The following GMDS variants were observed in gnomAD, a reference collection of about 807,000 sequenced individuals.
The protein encoded by GMDS is GDP-mannose 4,6 dehydratase.
A neutral mutation model predicts 49.9 loss-of-function variants in GMDS; 20 were observed. The ratio of observed to expected loss-of-function variants is 0.40; its 90% CI spans 0.28 to 0.58. The LOEUF (loss-of-function observed/expected upper bound fraction) is 0.58. GMDS is among the 20% of genes least tolerant of loss of function. The pLI is 0.42. For synonymous variants in GMDS, 177 were observed against 178.6 expected (o/e 0.99, Z 0.07); for missense variants, 362 against 481.4 (o/e 0.75, Z 2.32).
At chr6:1,697,581 T>C (rs1261099886) in intron 9 of GMDS, among the ~76,000 whole-genome samples, 1 of 152,240 alleles carries the variant, frequency 6.6e-6, no homozygotes, top group Non-Finnish European at 1.5e-5. Context: ...TCTCAAAGTA[T>C]GGTCCCCAAA....
chr6:1,954,880 T>C (rs1246363477), intron 6 of GMDS, among the ~76,000 whole-genome samples: 1 of 152,026 alleles, frequency 6.6e-6, no homozygotes, highest in Non-Finnish European at 1.5e-5. Context: ...GGCCAGTTGG[T>C]GGAGCAGCCA....
At chr6:2,054,246 AAG>A (rs1384785901) in intron 4 of GMDS, among the ~76,000 whole-genome samples, 5 of 152,152 alleles carry the variant, frequency 3.3e-5, no homozygotes, top group Non-Finnish European at 7.4e-5. Flanking sequence ...TCCTCTCCAG[AAG>A]AAATTTTAAA....
chr6:1,693,527 T>C (rs1765242136), intron 9 of GMDS, among the ~76,000 whole-genome samples: 3 of 152,244 alleles, frequency 2.0e-5, no homozygotes, highest in African/African-American at 4.8e-5. Flanking sequence ...CAGAGGTTAC[T>C]GTCCTCCGTT....
chr6:1,774,315 G>A (rs547431858), intron 7 of GMDS, among the ~76,000 whole-genome samples: 6 of 152,268 alleles, frequency 3.9e-5, no homozygotes, highest in South Asian at 2.1e-4. Flanking sequence ...CCCCCGCTGC[G>A]GAAATCACAG....
chr6:2,021,102 T>C (rs1259909979), intron 4 of GMDS, among the ~76,000 whole-genome samples: 1 of 152,246 alleles, frequency 6.6e-6, no homozygotes, highest in Non-Finnish European at 1.5e-5. Context: ...CACATCCTGT[T>C]GCCTTACTCT....
intron 1 of GMDS, among the ~76,000 whole-genome samples, chr6:2,201,060 C>T (rs1220261110): frequency 6.0e-5 from 8 of 134,170 alleles, no homozygotes; most frequent in South Asian, 2.7e-4. Flanking sequence ...CATGGGCATC[C>T]GAGATGAAAC....
chr6:1,948,450 G>T (rs1561914557), intron 6 of GMDS, among the ~76,000 whole-genome samples: 1 of 152,060 alleles, frequency 6.6e-6, no homozygotes, highest in Non-Finnish European at 1.5e-5. Context: ...TTTCATGTAA[G>T]ATTTTTACAG....
intron 9 of GMDS, among the ~76,000 whole-genome samples, chr6:1,694,667 G>C (rs983170272): frequency 6.6e-6 from 1 of 152,194 alleles, no homozygotes; most frequent in African/African-American, 2.4e-5. Context: ...TAGTAGCATA[G>C]CAAGAGGTGG....
At chr6:2,217,146 T>C (rs761359134) in intron 1 of GMDS, among the ~76,000 whole-genome samples, 2 of 152,162 alleles carry the variant, frequency 1.3e-5, no homozygotes, top group Non-Finnish European at 2.9e-5. Context: ...CAGCTTGGCA[T>C]TGGTCACTAG....
At position 2,010,094 on chromosome 6, in the gene GMDS, C is replaced by T. The variant is rs148631381; in HGVS notation, c.346-49128G>A. Among the ~76,000 whole-genome samples the T allele has an allele frequency of 9.1e-4, 139 of 152,110 alleles. 1 individual carries two copies. The highest frequency in any genetic ancestry group is 1.6e-3 in the African/African-American group (65 of 41,516). On this transcript the variant is annotated intron_variant, in intron 4 of 10. Coordinates refer to ENST00000380815, the MANE Select transcript of GMDS (RefSeq NM_001500.4). ...CTGTAATCCCAGCACTTTGGGAGGC[C>T]GAGGTGGGTGGATCACAACATCAGG...
At chr6:2,126,037 A>T (rs766847049) in intron 1 of GMDS, among the ~76,000 whole-genome samples, 29 of 152,152 alleles carry the variant, frequency 1.9e-4, no homozygotes, top group Non-Finnish European at 3.7e-4. Context: ...TATTTTTAAA[A>T]TTTCTGGGTA....
At chr6:1,627,884 A>T (rs1323668327) in intron 9 of GMDS, among the ~76,000 whole-genome samples, 1 of 152,222 alleles carries the variant, frequency 6.6e-6, no homozygotes, top group Non-Finnish European at 1.5e-5. Flanking sequence ...TTTCATTGCT[A>T]TTCCTTAGGT....
rs772968893 is a variant in GMDS, at chr6:2,195,072, A to T, written c.102+50249T>A. On this transcript the variant is annotated intron_variant, in intron 1 of 10. Transcript: ENST00000380815. ...TCCTTTCTGAGGTAATTATACACAC[A>T]TGAAGTTAGCAAGGGTAAAATCATA... is the stretch of plus-strand genomic sequence containing the variant. 2.1e-3 allele frequency among the ~76,000 whole-genome samples: 316 copies of T among 152,366 alleles called. 2 individuals carry two copies. Among genetic ancestry groups the T allele is most frequent in the Non-Finnish European group, 3.6e-3 (245 of 68,028 alleles).
intron 7 of GMDS, among the ~76,000 whole-genome samples, chr6:1,851,751 G>A: frequency 6.6e-6 from 1 of 152,170 alleles, no homozygotes; most frequent in East Asian, 1.9e-4. Flanking sequence ...AAGAAAAGCT[G>A]GAGTTCAGAA....
At chr6:1,942,245 C>T (rs559858071) in intron 6 of GMDS, among the ~76,000 whole-genome samples, 5 of 152,340 alleles carry the variant, frequency 3.3e-5, no homozygotes, top group Admixed American at 2.0e-4. Flanking sequence ...TCTCACTCTT[C>T]CATTAGTCAA....
chr6:2,138,448 G>A (rs948173136), intron 1 of GMDS, among the ~76,000 whole-genome samples: 4 of 152,082 alleles, frequency 2.6e-5, no homozygotes, highest in African/African-American at 9.7e-5. Flanking sequence ...CACTGTATAG[G>A]TGGCCAAAGT....
intron 7 of GMDS, among the ~76,000 whole-genome samples, chr6:1,858,208 T>A (rs891837755): frequency 6.6e-6 from 1 of 152,094 alleles, no homozygotes; most frequent in Non-Finnish European, 1.5e-5. Flanking sequence ...AACCTAAAAA[T>A]AATAATAAAA....
At chr6:1,738,723 C>G (rs1347747211) in intron 8 of GMDS, among the ~76,000 whole-genome samples, 1 of 152,178 alleles carries the variant, frequency 6.6e-6, no homozygotes, top group African/African-American at 2.4e-5. Flanking sequence ...GACTAGAGAG[C>G]TTGGCTGTCC....
At chr6:1,993,759 A>G (rs1766101829) in intron 4 of GMDS, among the ~76,000 whole-genome samples, 1 of 152,118 alleles carries the variant, frequency 6.6e-6, no homozygotes, top group Non-Finnish European at 1.5e-5. Context: ...AGGCAGAAAA[A>G]GTAAAGATTT....
Sources: allele counts gnomAD v4.1 joint callset (sites outside exome capture counted in the v4.1 genomes callset), GRCh38; gene constraint gnomAD v4.1.1; transcripts MANE v1.5; gene names NCBI Gene and HGNC (gene_info 2026-07-23, HGNC 2026-07-21).